Variants in ZNF324B observed in about 807,000 individuals in gnomAD.
ZNF324B encodes zinc finger protein 324B.
In ZNF324B, 7 loss-of-function variants were observed where a neutral mutation model predicts 10.6. That is an observed-to-expected ratio of 0.66 (90% CI 0.38 to 1.24). The LOEUF (loss-of-function observed/expected upper bound fraction) is 1.24, where lower values mean the gene tolerates loss of function less well. Among genes scored for constraint, ZNF324B ranks in the 50% most tolerant of loss-of-function variants. The probability of loss-of-function intolerance (pLI) is 0.02; values close to 1 mark genes in which losing one functional copy is unlikely to be tolerated. For missense variants in ZNF324B, 640 were observed against 764.7 expected (o/e 0.84, Z 1.92); for synonymous variants, 316 against 321.0 (o/e 0.98, Z 0.17).
chr19:58,434,434 T>G, the ZNF324B span: 1 of 1,614,274 alleles, frequency 6.2e-7, no homozygotes, highest in Non-Finnish European at 8.5e-7. Flanking sequence ...AATTCTCTGA[T>G]GATGAACAAA....
chr19:58,447,285 C>T (rs1468158953), upstream of ZNF324B, among the ~76,000 whole-genome samples: 7 of 152,166 alleles, frequency 4.6e-5, no homozygotes, highest in Non-Finnish European at 7.4e-5. Context: ...GCCGACAATG[C>T]AGGAGCTTAA....
chr19:58,455,635 CCT>C lies in ZNF324B; in HGVS notation c.693_694del (p.His232Ter), dbSNP rs756396414. The stretch of plus-strand genomic sequence containing the variant: ...CAGAATGGGCGCAGCTTGGCAGGAG[CCT>C]CATAGACTCCTCGGTGGCCAGGAGC... ...DRRMGAAWQE[P>X]HRLLGGQEPS... On this transcript the variant is annotated frameshift_variant, in exon 4 of 4. Transcript: ENST00000336614. LOFTEE classifies it low-confidence loss of function (END_TRUNC). This position sits in a 1 kb window ranked among gnomAD's most constrained non-coding sequence, Gnocchi z 7.0. 6.2e-7 allele frequency: 1 copy of C among 1,613,824 alleles called. No individual in the cohort carries two copies. Among genetic ancestry groups the C allele is most frequent in the Non-Finnish European group, 8.5e-7 (1 of 1,179,972 alleles).
At chr19:58,427,327 C>CT in the ZNF324B span, among the ~76,000 whole-genome samples, 2 of 95,232 alleles carry the variant, frequency 2.1e-5, no homozygotes, top group African/African-American at 6.8e-5. Context: ...TTCTTTCTTT[C>CT]TTTCTTTCTT....
In ZNF324B at chr19:58,454,293, A is replaced by C; in HGVS notation, c.187A>C (p.Ser63Arg). ...LERGEEPWVPSGKDMTLARNT... is the reference protein window; with the variant it reads ...LERGEEPWVPRGKDMTLARNT... ...GCGTGGCGAGGAGCCCTGGGTTCCC[A>C]GTGGAAAGGACATGACCCTGGCCAG... Residue 63 changes from serine (S) to arginine (R), a missense_variant, in exon 3 of 4, where the codon AGT (serine) becomes CGT (arginine). Ser to Arg is a moderately radical substitution (Grantham distance 110). Transcript: ENST00000336614. The C allele has an allele frequency of 6.2e-7, 1 of 1,614,126 alleles. No individual in the cohort carries two copies. Among genetic ancestry groups the C allele is most frequent in the Non-Finnish European group, 8.5e-7 (1 of 1,180,014 alleles).
the ZNF324B span, chr19:58,439,756 T>G: frequency 5.9e-5 from 90 of 1,535,976 alleles, no homozygotes; most frequent in Non-Finnish European, 6.9e-5. Flanking sequence ...ACACTCCACT[T>G]ACCTGCGCCG....
At chr19:58,427,452 C>CCTTTCCTT in the ZNF324B span, among the ~76,000 whole-genome samples, 1 of 47,052 alleles carries the variant, frequency 2.1e-5, no homozygotes, top group African/African-American at 1.4e-4. Flanking sequence ...CCTTTCCTTT[C>CCTTTCCTT]CCTTCCTTCC....
chr19:58,454,716 C>G (rs1403227781), intron 3 of ZNF324B: 7 of 563,922 alleles, frequency 1.2e-5, no homozygotes, highest in Non-Finnish European at 2.2e-5. Context: ...ACTCATGGTC[C>G]TGCCTTTGTG....
chr19:58,424,128 A>C, the ZNF324B span, among the ~76,000 whole-genome samples: 1 of 152,052 alleles, frequency 6.6e-6, no homozygotes, highest in Admixed American at 6.6e-5. Flanking sequence ...GCATGGCTGT[A>C]ATCTCAGCTA....
the ZNF324B span, chr19:58,437,753 T>C: frequency 3.0e-6 from 3 of 985,428 alleles, no homozygotes; most frequent in Non-Finnish European, 3.6e-6. Context: ...GATCCATTCC[T>C]GGTCCAAGCC....
chr19:58,434,620 TC>T, the ZNF324B span: 1 of 1,614,138 alleles, frequency 6.2e-7, no homozygotes, highest in Admixed American at 1.7e-5. Context: ...GATTGATTTC[TC>T]CTCTAAGAAA....
chr19:58,434,870 A>C, the ZNF324B span: 13 of 1,614,208 alleles, frequency 8.1e-6, no homozygotes, highest in Non-Finnish European at 1.1e-5. Context: ...CTGCAAGTGA[A>C]GGGGTTCTCT....
At chr19:58,449,721 C>T (rs779296837), upstream of ZNF324B, among the ~76,000 whole-genome samples, 1 of 152,166 alleles carries the variant, frequency 6.6e-6, no homozygotes, top group Non-Finnish European at 1.5e-5. Context: ...CAATTTCTCC[C>T]ATTTGGAATG....
At chr19:58,438,354 C>T in the ZNF324B span, among the ~76,000 whole-genome samples, 1 of 152,158 alleles carries the variant, frequency 6.6e-6, no homozygotes, top group African/African-American at 2.4e-5. Flanking sequence ...CTACTTGGCA[C>T]CTCAATTTGG....
chr19:58,439,994 C>T, the ZNF324B span: 1 of 639,602 alleles, frequency 1.6e-6, no homozygotes, highest in Non-Finnish European at 2.7e-6. Flanking sequence ...GCTGGCTCCA[C>T]TTTCGGGAAC....
At chr19:58,437,878 C>G in the ZNF324B span, 1 of 753,354 alleles carries the variant, frequency 1.3e-6, no homozygotes, top group Non-Finnish European at 1.6e-6. Context: ...ATAAGCAGAT[C>G]TCAAATATCT....
chr19:58,433,353 G>A, the ZNF324B span: 1 of 1,614,166 alleles, frequency 6.2e-7, no homozygotes, highest in African/African-American at 1.3e-5. Context: ...GCTGTGCAAG[G>A]TTACAAAGAT....
chr19:58,453,552 G>A (rs11883042), intron 1 of ZNF324B, 144 bp from the exon 2 acceptor site: 2 of 1,145,134 alleles, frequency 1.7e-6, no homozygotes, highest in Non-Finnish European at 2.6e-6. Flanking sequence ...AGACAGGTGA[G>A]GGAAGTGCCA....
chr19:58,456,151 G>A lies in ZNF324B; in HGVS notation c.1207G>A (p.Gly403Ser), dbSNP rs375382398. The change falls in exon 4 of 4, where the codon GGT becomes AGT. Residue 403 changes from glycine to serine, a missense_variant. Gly to Ser is a moderately conservative substitution (Grantham distance 56, BLOSUM62 0). Coordinates refer to ENST00000336614, the MANE Select transcript of ZNF324B (RefSeq NM_207395.3). This position sits in a 1 kb window ranked among gnomAD's most constrained non-coding sequence, Gnocchi z 4.7. ...GAAGCCCTTCGTATGCGCGCTCTGCGGTGCTGCCTTCAGCCAGGGCTCCTC... is the reference window on the plus strand; with the variant it reads ...GAAGCCCTTCGTATGCGCGCTCTGCAGTGCTGCCTTCAGCCAGGGCTCCTC... The part of the protein sequence containing the change: ...GEKPFVCALC[G>S]AAFSQGSSLF... The A allele has an allele frequency of 4.8e-5, 78 of 1,613,282 alleles. No individual in the cohort carries two copies. Among genetic ancestry groups the A allele is most frequent in the Non-Finnish European group, 5.5e-5 (65 of 1,179,834 alleles).
In ZNF324B at chr19:58,455,051, G is replaced by T; in HGVS notation, c.239-132G>T. The T allele has an allele frequency of 7.8e-7, 1 of 1,273,898 alleles. No individual in the cohort carries two copies. Among genetic ancestry groups the T allele is most frequent in the Non-Finnish European group, 1.1e-6 (1 of 881,754 alleles). 78.9% of individuals were successfully genotyped at this position (1,273,898 alleles called of 1,614,324 possible). A position where few individuals can be genotyped will look rare whatever the true frequency, so the allele number is the denominator to read the frequency against. On this transcript the variant is annotated intron_variant, in intron 3 of 3. Transcript: ENST00000336614. The surrounding 1 kb of genome is among the most constrained non-coding windows in gnomAD (Gnocchi z 7.0). ...TCCAAACCCCAGCCCCTCCTGCAGA[G>T]CCAGCCTCACCTCTTCTTTTTCCCT...
Sources: gnomAD v4.1 joint callset for allele counts (sites outside exome capture counted in the v4.1 genomes callset) on GRCh38, gnomAD v4.1.1 for gene constraint, Gnocchi (gnomAD v3.1) non-coding constraint, MANE v1.5 for transcripts, NCBI Gene and HGNC (gene_info 2026-07-23, HGNC 2026-07-21) for gene names.